IQCH: variants seen among roughly 807,000 people sequenced by gnomAD.
IQCH encodes the protein IQ motif containing H.
Under a neutral mutation model 117.0 loss-of-function variants are expected in IQCH, and 98 were observed. The observed-to-expected ratio is 0.84, with a 90% CI of 0.71 to 0.99. The LOEUF (loss-of-function observed/expected upper bound fraction) is 0.99. IQCH is among the 50% of genes least tolerant of loss of function. IQCH has a pLI of 0.00. For synonymous variants in IQCH, 412 were observed against 448.2 expected (o/e 0.92, Z 1.02); for missense variants, 1,102 against 1,243.8 (o/e 0.89, Z 1.72).
At position 67,468,217 on chromosome 15, in the gene IQCH, G is replaced by A. The variant is rs2141028516; in HGVS notation, c.2676+2920G>A. 1.3e-5 allele frequency among the ~76,000 whole-genome samples: 2 copies of A among 152,304 alleles called. 1 individual carries two copies. The highest frequency in any genetic ancestry group is 6.8e-3 in the Middle Eastern group (2 of 294). On this transcript the variant is annotated intron_variant, in intron 17 of 20. Transcript: ENST00000335894. ...CTGGACCCTCCATACCATGGTTGGTGAGTGTCCAAAAGGGAACATCTTTGC... is the reference window on the plus strand; with the variant it reads ...CTGGACCCTCCATACCATGGTTGGTAAGTGTCCAAAAGGGAACATCTTTGC...
rs1396697691 is a variant in IQCH at position 67,400,301 on chromosome 15, CA to C, written c.2094del (p.Gln699LysfsTer6). 6.2e-7 allele frequency: 1 copy of C among 1,610,766 alleles called. No homozygotes were observed. The highest frequency in any genetic ancestry group is 8.5e-7 in the Non-Finnish European group (1 of 1,177,268). Reference sequence around the variant, plus strand: ...CTTGAAGACTGGAGAAAGAAATGGGCACAAGTGAGTATTCAATGGTGACTTA... The same window carrying C: ...CTTGAAGACTGGAGAAAGAAATGGGCCAAGTGAGTATTCAATGGTGACTTA... Reference protein sequence around the residue: ...YGLEDWRKKWAQEPALVKISE... With the variant: ...YGLEDWRKKWXQEPALVKISE... On this transcript the variant is annotated frameshift_variant, in exon 14 of 21. Transcript: ENST00000335894. LOFTEE classifies it high-confidence loss of function.
In IQCH at chr15:67,282,878, C is replaced by T. The variant is rs1221645962; in HGVS notation, c.387+3366C>T. 3.9e-5 allele frequency among the ~76,000 whole-genome samples: 6 copies of T among 151,930 alleles called. No individual in the cohort carries two copies. In the South Asian group the frequency reaches 6.2e-4, roughly 16 times the overall value. On this transcript the variant is annotated intron_variant, in intron 4 of 20. Transcript: ENST00000335894. ...GAGTTGCTCAATTGTAATTAAGAAT[C>T]GTAATTTAGAATTGTTTATTAAGCC...
intron 4 of IQCH, among the ~76,000 whole-genome samples, chr15:67,308,616 G>A (rs2044329): frequency 0.68 from 103,633 of 151,978 alleles, 35,802 homozygotes; most frequent in Middle Eastern, 0.83. Context: ...TGACAAAGGA[G>A]TGACTTTTCA....
rs760431280 is a variant in IQCH, at chr15:67,453,895, T to C, written c.2506-11232T>C. ...ACCCAGTTCAAGCTTCCCGGCCGCT[T>C]TGTTTACGTAATCAAACAACTAACT... On this transcript the variant is annotated intron_variant, in intron 16 of 20. Transcript: ENST00000335894. The surrounding 1 kb of genome is among the most constrained non-coding windows in gnomAD (Gnocchi z 5.8). Among the ~76,000 whole-genome samples the C allele has an allele frequency of 1.5e-3, 224 of 152,364 alleles. 2 individuals carry two copies. The highest frequency in any genetic ancestry group is 1.1e-3 in the Non-Finnish European group (73 of 68,032).
At chr15:67,255,310 A>G in intron 1 of IQCH, 1 of 312,020 alleles carries the variant, frequency 3.2e-6, no homozygotes, top group South Asian at 4.6e-5. Context: ...GACAAATCGG[A>G]CACTCTAGGA....
chr15:67,343,344 A>G (rs1969251961), intron 5 of IQCH, among the ~76,000 whole-genome samples: 1 of 152,230 alleles, frequency 6.6e-6, no homozygotes, highest in African/African-American at 2.4e-5. Flanking sequence ...GCTTCAACAC[A>G]GTAGATCCAC....
Position 67,381,529 on chromosome 15 carries a change from A to G in IQCH, c.1373-3407A>G. Among the ~76,000 whole-genome samples the G allele has an allele frequency of 6.6e-6, 1 of 152,294 alleles. No homozygotes were observed. The highest frequency in any genetic ancestry group is 1.5e-5 in the Non-Finnish European group (1 of 68,018). On this transcript the variant is annotated intron_variant, in intron 10 of 20. Coordinates refer to ENST00000335894, the MANE Select transcript of IQCH (RefSeq NM_001031715.3). This position sits in a 1 kb window ranked among gnomAD's most constrained non-coding sequence, Gnocchi z 5.1. ...GGAAGAGAGAGTGCCTCTTTCTGCT[A>G]GTGTTGTATTGTTCTGTGCTAATGA...
chr15:67,260,878 A>G (rs1205388539), intron 1 of IQCH, among the ~76,000 whole-genome samples: 1 of 152,072 alleles, frequency 6.6e-6, no homozygotes, highest in Non-Finnish European at 1.5e-5. Context: ...TGGGAAGATC[A>G]TGAGGACAGT....
At chr15:67,394,581 A>G (rs1971397613) in intron 12 of IQCH, among the ~76,000 whole-genome samples, 1 of 152,116 alleles carries the variant, frequency 6.6e-6, no homozygotes, top group South Asian at 2.1e-4. Context: ...CCCCCATTAG[A>G]CTAGCTAGAA....
chr15:67,302,869 A>G (rs1407484268), intron 4 of IQCH, among the ~76,000 whole-genome samples: 2 of 152,156 alleles, frequency 1.3e-5, no homozygotes, highest in African/African-American at 2.4e-5. Context: ...AACAACAACA[A>G]CAACAACAAC....
At chr15:67,344,960 C>T (rs1340711144) in intron 6 of IQCH, among the ~76,000 whole-genome samples, 1 of 152,060 alleles carries the variant, frequency 6.6e-6, no homozygotes, top group Non-Finnish European at 1.5e-5. Context: ...ACAAATCTTT[C>T]TATAGAAGAA....
intron 4 of IQCH, among the ~76,000 whole-genome samples, chr15:67,283,400 A>G (rs1182027349): frequency 2.0e-5 from 3 of 152,220 alleles, no homozygotes; most frequent in Non-Finnish European, 2.9e-5. Flanking sequence ...TCATACAAAT[A>G]AAGACCATTT....
chr15:67,414,314 A>C (rs1254512681), intron 14 of IQCH, among the ~76,000 whole-genome samples: 1 of 152,202 alleles, frequency 6.6e-6, no homozygotes, highest in Non-Finnish European at 1.5e-5. Flanking sequence ...TGGCCATGCC[A>C]TTAAGCAGCC....
rs776351440 is a variant in IQCH, at chr15:67,384,902, C to T, written c.1373-34C>T. On this transcript the variant is annotated intron_variant, in intron 10 of 20. Transcript: ENST00000335894. The surrounding 1 kb of genome is among the most constrained non-coding windows in gnomAD (Gnocchi z 4.3). The stretch of plus-strand genomic sequence containing the variant: ...TGCCATTTTGCTATATCGACTTGCT[C>T]TTTCTGTGTTTTGACACCTTGTTTG... The T allele has an allele frequency of 7.4e-7, 1 of 1,354,264 alleles. No individual in the cohort carries two copies. Among genetic ancestry groups the T allele is most frequent in the South Asian group, 1.2e-5 (1 of 85,352 alleles). 83.9% of individuals were successfully genotyped at this position (1,354,264 alleles called of 1,614,324 possible). A position where few individuals can be genotyped will look rare whatever the true frequency, so the allele number is the denominator to read the frequency against.
At chr15:67,285,729 TTTTGTCAGG>T (rs1205733454) in intron 4 of IQCH, among the ~76,000 whole-genome samples, 2 of 152,330 alleles carry the variant, frequency 1.3e-5, no homozygotes, top group Admixed American at 6.5e-5. Context: ...TGTTGCCTTT[TTTTGTCAGG>T]TTTGTCAAAG....
chr15:67,254,996 C>A (rs1316540092), intron 1 of IQCH, 49 bp downstream of exon 1: 1 of 1,566,120 alleles, frequency 6.4e-7, no homozygotes, highest in Admixed American at 1.7e-5. Context: ...CGCGCCACTT[C>A]CGAGCGAGGT....
Position 67,385,724 on chromosome 15 carries a change from A to C in IQCH, c.1456+705A>C, listed in dbSNP as rs1971088118. 1.3e-5 allele frequency among the ~76,000 whole-genome samples: 2 copies of C among 152,342 alleles called. No individual in the cohort carries two copies. Among genetic ancestry groups the C allele is most frequent in the African/African-American group, 2.4e-5 (1 of 41,586 alleles). ...AGGCTCTAAGAATATAGGTTGCAAA[A>C]GCTAAGCAATAACATTGAATCTGTT... On this transcript the variant is annotated intron_variant, in intron 11 of 20. Transcript: ENST00000335894. This position sits in a 1 kb window ranked among gnomAD's most constrained non-coding sequence, Gnocchi z 4.6.
intron 14 of IQCH, among the ~76,000 whole-genome samples, chr15:67,409,539 A>G (rs1390948604): frequency 6.6e-6 from 1 of 152,202 alleles, no homozygotes; most frequent in African/African-American, 2.4e-5. Flanking sequence ...CTAGGCCTGC[A>G]TGTTGGTGCA....
In IQCH at chr15:67,493,980, A is replaced by G. The variant is rs534635143; in HGVS notation, c.2862-278A>G. Among the ~76,000 whole-genome samples the G allele has an allele frequency of 4.6e-5, 7 of 152,344 alleles. No homozygotes were observed. In the East Asian group the frequency reaches 9.6e-4, roughly 21 times the overall value. On this transcript the variant is annotated intron_variant, in intron 19 of 20. Coordinates refer to ENST00000335894, the MANE Select transcript of IQCH (RefSeq NM_001031715.3). The surrounding 1 kb of genome is among the most constrained non-coding windows in gnomAD (Gnocchi z 5.1). ...AACCATTTTTAAAATGAACTCGTAC[A>G]ACATCCTAGCTCAGTGGTAGACTTT...
Sources: allele counts gnomAD v4.1 joint callset (sites outside exome capture counted in the v4.1 genomes callset), GRCh38; gene constraint gnomAD v4.1.1; non-coding constraint Gnocchi (gnomAD v3.1); transcripts MANE v1.5; gene names NCBI Gene and HGNC (gene_info 2026-07-23, HGNC 2026-07-21).